Variants in KAZN observed in about 807,000 individuals in gnomAD.
KAZN encodes the protein kazrin, periplakin interacting protein, also known as kazrin.
A neutral mutation model predicts 87.4 loss-of-function variants in KAZN; 40 were observed. The observed-to-expected ratio is 0.46, with a 90% CI of 0.36 to 0.60. KAZN has a LOEUF of 0.60. KAZN is among the 20% of genes least tolerant of loss of function. The pLI, the probability that KAZN is intolerant of heterozygous loss-of-function variation, is 0.00. For synonymous variants in KAZN, 466 were observed against 458.3 expected (o/e 1.02, Z -0.22); for missense variants, 898 against 1,073.9 (o/e 0.84, Z 2.29).
intron 2 of KAZN, among the ~76,000 whole-genome samples, chr1:14,261,758 C>T (rs963242984): frequency 9.2e-5 from 14 of 152,246 alleles, no homozygotes; most frequent in Non-Finnish European, 1.5e-4. Context: ...CTGTGACACT[C>T]GAGCTGCAGC....
intron 2 of KAZN, among the ~76,000 whole-genome samples, chr1:14,965,982 C>CTTTTT (rs71306999): frequency 3.1e-5 from 4 of 129,176 alleles, no homozygotes; most frequent in African/African-American, 3.0e-5. Flanking sequence ...CTTTCCTTTT[C>CTTTTT]TTTTTTTTTT....
At chr1:14,634,831 T>A (rs1012023881) in intron 1 of KAZN, among the ~76,000 whole-genome samples, 1 of 152,296 alleles carries the variant, frequency 6.6e-6, no homozygotes, top group Middle Eastern at 3.4e-3. Flanking sequence ...TCAGCAGGAA[T>A]CCACTCAGGG....
intron 1 of KAZN, among the ~76,000 whole-genome samples, chr1:14,845,809 G>T (rs1648684275): frequency 6.6e-6 from 1 of 152,130 alleles, no homozygotes; most frequent in East Asian, 1.9e-4. Flanking sequence ...AGGGAAAATG[G>T]GGAGGGAGCT....
At chr1:14,058,700 TC>T (rs1035702583) in intron 1 of KAZN, among the ~76,000 whole-genome samples, 3 of 152,152 alleles carry the variant, frequency 2.0e-5, no homozygotes, top group Non-Finnish European at 2.9e-5. Context: ...GTGGTGTATT[TC>T]AAGAAGAAGT....
At chr1:14,874,511 TGGATGGATGGAC>T (rs1198225866) in intron 1 of KAZN, among the ~76,000 whole-genome samples, 1 of 151,398 alleles carries the variant, frequency 6.6e-6, no homozygotes, top group Non-Finnish European at 1.5e-5. Context: ...GATGGATGGA[TGGATGGATGGAC>T]AGATGGATGG....
At chr1:14,862,492 G>A (rs1650978777) in intron 1 of KAZN, among the ~76,000 whole-genome samples, 1 of 152,146 alleles carries the variant, frequency 6.6e-6, no homozygotes, top group Non-Finnish European at 1.5e-5. Context: ...ATTGATTTTT[G>A]CCAGTGGTGA....
At chr1:14,323,235 A>G (rs1304301683) in intron 2 of KAZN, among the ~76,000 whole-genome samples, 3 of 151,934 alleles carry the variant, frequency 2.0e-5, no homozygotes, top group African/African-American at 7.3e-5. Flanking sequence ...GCTTTGGCTA[A>G]GAAGTACTTC....
chr1:14,615,653 G>A (rs1172898890), intron 1 of KAZN, among the ~76,000 whole-genome samples: 1 of 151,978 alleles, frequency 6.6e-6, no homozygotes, highest in Non-Finnish European at 1.5e-5. Context: ...GGAGCAGAGG[G>A]GACTTCTCAC....
chr1:14,299,385 C>T (rs973481807), intron 2 of KAZN, among the ~76,000 whole-genome samples: 3 of 152,008 alleles, frequency 2.0e-5, no homozygotes, highest in Admixed American at 6.6e-5. Flanking sequence ...CACCTGTAAT[C>T]GCATCTACCT....
chr1:14,550,041 A>G (rs531522746), intron 2 of KAZN, among the ~76,000 whole-genome samples: 1 of 152,332 alleles, frequency 6.6e-6, no homozygotes, highest in African/African-American at 2.4e-5. Flanking sequence ...CAATTAATTT[A>G]GTTTCTGGTT....
At position 14,791,479 on chromosome 1, in the gene KAZN, C is replaced by A. The variant is rs553400737; in HGVS notation, c.227-169205C>A. 2.6e-5 allele frequency among the ~76,000 whole-genome samples: 4 copies of A among 152,334 alleles called. No homozygotes were observed. The East Asian group carries it at 7.7e-4, about 29-fold the overall frequency. ...CAGCTCTGCTGGGCCAAGGAAGCAA[C>A]ACGCTGCGCTTGTTAGATTCTGCGT... On this transcript the variant is annotated intron_variant, in intron 1 of 14. Coordinates refer to ENST00000376030, the MANE Select transcript of KAZN (RefSeq NM_201628.3).
intron 10 of KAZN, among the ~76,000 whole-genome samples, chr1:15,095,155 A>G (rs1640749744): frequency 6.6e-6 from 1 of 152,132 alleles, no homozygotes; most frequent in Non-Finnish European, 1.5e-5. Flanking sequence ...CACATGGGGA[A>G]GACAAGAGGC....
In KAZN at chr1:14,319,003, CTTTTAT is replaced by C. The variant is rs910784317; in HGVS notation, c.249+138420_249+138425del. 2.8e-5 allele frequency among the ~76,000 whole-genome samples: 4 copies of C among 145,204 alleles called. No individual in the cohort carries two copies. The East Asian group carries it at 8.0e-4, about 29-fold the overall frequency. ...ACTGTCTGGGCCTGTTTCTGTTGAC[CTTTTAT>C]TTTTATTTATTTATTTATTTATTTA... is the stretch of plus-strand genomic sequence containing the variant. On this transcript the variant is annotated intron_variant, in intron 2 of 16. Coordinates refer to the KAZN transcript ENST00000636203.
chr1:14,029,999 C>T (rs540134026), intron 1 of KAZN, among the ~76,000 whole-genome samples: 2 of 152,160 alleles, frequency 1.3e-5, no homozygotes, highest in South Asian at 4.2e-4. Flanking sequence ...TAGTTTTTTC[C>T]AATTCTTTGA....
At chr1:14,960,949 G>A (rs1663785301) in intron 2 of KAZN, 74 bp downstream of exon 2, 2 of 1,464,562 alleles carry the variant, frequency 1.4e-6, no homozygotes, top group African/African-American at 1.4e-5. Flanking sequence ...CCCCATGCAG[G>A]GGAAGTGACG....
At chr1:14,955,601 C>A (rs1220147879) in intron 1 of KAZN, among the ~76,000 whole-genome samples, 2 of 151,542 alleles carry the variant, frequency 1.3e-5, no homozygotes, top group Non-Finnish European at 2.9e-5. Context: ...ACCTGGTGAC[C>A]CGCCCTGGAG....
intron 2 of KAZN, among the ~76,000 whole-genome samples, chr1:14,358,900 C>T (rs1034591064): frequency 1.3e-5 from 2 of 152,108 alleles, no homozygotes; most frequent in Non-Finnish European, 1.5e-5. Context: ...AATGTAGATT[C>T]TTTTGATTTG....
chr1:14,583,992 G>A (rs188040236), intron 2 of KAZN, among the ~76,000 whole-genome samples: 87 of 152,268 alleles, frequency 5.7e-4, no homozygotes, highest in Admixed American at 8.5e-4. Flanking sequence ...CCAAGTCCCC[G>A]CCCAGGCTGC....
At chr1:13,950,471 A>G (rs1641303776) in intron 1 of KAZN, among the ~76,000 whole-genome samples, 1 of 152,192 alleles carries the variant, frequency 6.6e-6, no homozygotes. Flanking sequence ...CCTGGCAAAT[A>G]GTTCATGTTC....
Sources: gnomAD v4.1 joint callset for allele counts (sites outside exome capture counted in the v4.1 genomes callset) on GRCh38, gnomAD v4.1.1 for gene constraint, MANE v1.5 for transcripts, NCBI Gene and HGNC (gene_info 2026-07-23, HGNC 2026-07-21) for gene names.